RASL10B: variants seen among roughly 807,000 people sequenced by gnomAD.
The protein encoded by RASL10B is RAS like family 10 member B.
In RASL10B, 10 loss-of-function variants were observed where a neutral mutation model predicts 20.7. The ratio of observed to expected loss-of-function variants is 0.48; its 90% CI spans 0.30 to 0.82. RASL10B has a LOEUF of 0.82. Among genes scored for constraint, RASL10B ranks in the 40% least tolerant of loss-of-function variants. The probability of loss-of-function intolerance (pLI) is 0.07; values close to 1 mark genes in which losing one functional copy is unlikely to be tolerated. For missense variants in RASL10B, 231 were observed against 295.4 expected (o/e 0.78, Z 1.60); for synonymous variants, 110 against 123.3 (o/e 0.89, Z 0.72).
chr17:35,740,018 C>T (rs2085619569), intron 2 of RASL10B, among the ~76,000 whole-genome samples: 1 of 152,184 alleles, frequency 6.6e-6, no homozygotes, highest in Non-Finnish European at 1.5e-5. Context: ...GGCACTTTAG[C>T]TGAACCTTGG....
chr17:35,736,555 C>A (rs1267655620), intron 2 of RASL10B, among the ~76,000 whole-genome samples: 1 of 152,202 alleles, frequency 6.6e-6, no homozygotes, highest in Non-Finnish European at 1.5e-5. Context: ...TGAGGCTGAG[C>A]CTGTCAGGGC....
At position 35,735,909 on chromosome 17, in the gene RASL10B, A is replaced by G. The variant is rs2085588824; in HGVS notation, c.216+509A>G. ...ACACTAGGCTACTGTGAGTATTCGG[A>G]GCTGTGCCTACCGTAACCTCACTCC... On this transcript the variant is annotated intron_variant, in intron 2 of 3. Coordinates refer to ENST00000603017, the MANE Select transcript of RASL10B (RefSeq NM_033315.4). The surrounding 1 kb of genome is among the most constrained non-coding windows in gnomAD (Gnocchi z 6.7). Among the ~76,000 whole-genome samples the G allele has an allele frequency of 6.6e-6, 1 of 152,140 alleles. No individual in the cohort carries two copies. Among genetic ancestry groups the G allele is most frequent in the African/African-American group, 2.4e-5 (1 of 41,428 alleles).
rs782776624 is a variant in RASL10B at position 35,740,420 on chromosome 17, C to T, written c.228C>T (p.Asp76=). ...TGGGGATATTGCAGGAGTGGGCAGACACCTGCTGCAGGGGACTCCGGAGTG... is the reference window on the plus strand; with the variant it reads ...TGGGGATATTGCAGGAGTGGGCAGATACCTGCTGCAGGGGACTCCGGAGTG... The part of the protein sequence containing the change: ...FPVNTLQEWA[D]TCCRGLRSVH... The change falls in exon 3 of 4, where the codon GAC becomes GAT. Residue 76 remains aspartate, a synonymous_variant. Transcript: ENST00000603017. The T allele has an allele frequency of 1.2e-5, 20 of 1,613,630 alleles. No individual in the cohort carries two copies. The highest frequency in any genetic ancestry group is 1.6e-5 in the Non-Finnish European group (19 of 1,179,844).
At chr17:35,736,714 C>CTAT (rs2085594941) in intron 2 of RASL10B, 1 of 152,216 alleles carries the variant, frequency 6.6e-6, no homozygotes, top group Non-Finnish European at 1.5e-5. Context: ...GCCCCACTCT[C>CTAT]TATAACCACT....
intron 2 of RASL10B, among the ~76,000 whole-genome samples, chr17:35,739,289 G>A (rs2085613490): frequency 6.6e-6 from 1 of 152,168 alleles, no homozygotes. Context: ...GCTGGGACAG[G>A]AGACATACCT....
rs140356528 is a variant in RASL10B at position 35,734,179 on chromosome 17, G to T, written c.-147-859G>T. Among the ~76,000 whole-genome samples the T allele has an allele frequency of 3.3e-4, 50 of 152,282 alleles. No homozygotes were observed. The East Asian group carries it at 8.3e-3, about 25-fold the overall frequency. ...CAGGTGCCTGTAATCCCAGCTACTCGGGAGGCTGAGGCAGGAAAATGGCTT... is the reference window on the plus strand; with the variant it reads ...CAGGTGCCTGTAATCCCAGCTACTCTGGAGGCTGAGGCAGGAAAATGGCTT... On this transcript the variant is annotated intron_variant, in intron 1 of 3. Coordinates refer to ENST00000603017, the MANE Select transcript of RASL10B (RefSeq NM_033315.4).
At chr17:35,733,159 T>C (rs2085569634) in intron 1 of RASL10B, among the ~76,000 whole-genome samples, 1 of 152,224 alleles carries the variant, frequency 6.6e-6, no homozygotes, top group South Asian at 2.1e-4. Context: ...AGAATCTCTC[T>C]CACGCACACT....
In RASL10B at chr17:35,735,244, C is replaced by T; in HGVS notation, c.60C>T (p.Ile20=). Residue 20 remains isoleucine (I), a synonymous_variant, in exon 2 of 4, where the codon ATC becomes ATT. Coordinates refer to ENST00000603017, the MANE Select transcript of RASL10B (RefSeq NM_033315.4). This position sits in a 1 kb window ranked among gnomAD's most constrained non-coding sequence, Gnocchi z 6.7. ...LGARGVGKSA[I]VRQFLYNEFS... ...CGCGAGGTGTGGGCAAGAGTGCCAT[C>T]GTGCGCCAGTTCTTGTACAACGAGT... 1.2e-6 allele frequency: 2 copies of T among 1,613,530 alleles called. No individual in the cohort carries two copies. Among genetic ancestry groups the T allele is most frequent in the Non-Finnish European group, 8.5e-7 (1 of 1,180,016 alleles).
rs587642131 is a variant in RASL10B, at chr17:35,732,827, C to A, written c.-148+949C>A. On this transcript the variant is annotated intron_variant, in intron 1 of 3. Transcript: ENST00000603017. ...TCTTCCTCCCCTAGGACTCCCCACT[C>A]CCCACCTGCCTGTACTGGTTATGTA... Among the ~76,000 whole-genome samples, 13 of 152,294 alleles carry A rather than the reference C, an allele frequency of 8.5e-5. No homozygotes were observed. The East Asian group carries it at 2.5e-3, about 29-fold the overall frequency.
rs2085633226 is a variant in RASL10B at position 35,742,103 on chromosome 17, T to C, written c.*798T>C. ...CCTGGGTTAAAACTTTTTTTCTTTTTTTTTTTTGGACAGAGTGTGGAAAGG... is the reference window on the plus strand; with the variant it reads ...CCTGGGTTAAAACTTTTTTTCTTTTCTTTTTTTGGACAGAGTGTGGAAAGG... On this transcript the variant is annotated 3_prime_UTR_variant, in exon 4 of 4. Coordinates refer to ENST00000603017, the MANE Select transcript of RASL10B (RefSeq NM_033315.4). 1 of 152,472 alleles carries C rather than the reference T, an allele frequency of 6.6e-6. No homozygotes were observed. The highest frequency in any genetic ancestry group is 1.5e-5 in the Non-Finnish European group (1 of 68,074). 9.4% of individuals were successfully genotyped at this position (152,472 alleles called of 1,614,324 possible). A position where few individuals can be genotyped will look rare whatever the true frequency, so the allele number is the denominator to read the frequency against.
rs587683505 is a variant in RASL10B at position 35,737,981 on chromosome 17, G to A, written c.217-2428G>A. ...CCAGATTGCCCTCCATAGCAGTGGC[G>A]TATGCTGTGCTCCTGTGAGCAATGT... On this transcript the variant is annotated intron_variant, in intron 2 of 3. Transcript: ENST00000603017. Among the ~76,000 whole-genome samples, 295 of 151,872 alleles carry A rather than the reference G, an allele frequency of 1.9e-3. 1 individual carries two copies. The highest frequency in any genetic ancestry group is 6.9e-3 in the African/African-American group (287 of 41,384).
intron 2 of RASL10B, among the ~76,000 whole-genome samples, chr17:35,738,949 C>T (rs1436471324): frequency 6.6e-6 from 1 of 152,198 alleles, no homozygotes; most frequent in Non-Finnish European, 1.5e-5. Flanking sequence ...CATCCGTATA[C>T]ACAGGTTCCA....
intron 1 of RASL10B, among the ~76,000 whole-genome samples, chr17:35,733,508 G>A (rs587643570): frequency 5.9e-5 from 9 of 152,348 alleles, no homozygotes; most frequent in Admixed American, 5.9e-4. Context: ...CAACCTGGGG[G>A]ACATTCAGCT....
intron 2 of RASL10B, 104 bp from the exon 3 acceptor site, chr17:35,740,305 G>A (rs2085621506): frequency 6.9e-7 from 1 of 1,455,814 alleles, no homozygotes; most frequent in Non-Finnish European, 9.3e-7. Context: ...AAGGCTTCAG[G>A]TGCAGTGGCA....
intron 2 of RASL10B, among the ~76,000 whole-genome samples, chr17:35,738,352 C>CTTTT (rs772993948): frequency 1.3e-5 from 2 of 152,040 alleles, no homozygotes; most frequent in Non-Finnish European, 2.9e-5. Context: ...CTCAAGGCAC[C>CTTTT]AAAGATTAAG....
rs2085639016 is a variant in RASL10B, at chr17:35,742,919, G to A, written c.*1614G>A. ...ATTTATCACCAACATCCATTGTAGG[G>A]GGAATCTATGATTCTGCTTCCCCAG... On this transcript the variant is annotated 3_prime_UTR_variant, in exon 4 of 4. Transcript: ENST00000603017. 6.6e-6 allele frequency: 1 copy of A among 152,322 alleles called. No individual in the cohort carries two copies. Among genetic ancestry groups the A allele is most frequent in the African/African-American group, 2.4e-5 (1 of 41,444 alleles). The allele number at this position is 152,322 out of a possible 1,614,324, so 9.4% of individuals were successfully genotyped here.
At position 35,742,652 on chromosome 17, in the gene RASL10B, A is replaced by C. The variant is rs782371258; in HGVS notation, c.*1347A>C. On this transcript the variant is annotated 3_prime_UTR_variant, in exon 4 of 4. Transcript: ENST00000603017. Reference sequence around the variant, plus strand: ...GAATGGCATGAGGGATTGATGGGGGACTTGGAGGGAGGGACAAGTGGTGCC... The same window carrying C: ...GAATGGCATGAGGGATTGATGGGGGCCTTGGAGGGAGGGACAAGTGGTGCC... 3 of 152,632 alleles carry C rather than the reference A, an allele frequency of 2.0e-5. No individual in the cohort carries two copies. The highest frequency in any genetic ancestry group is 4.4e-5 in the Non-Finnish European group (3 of 68,076). 9.5% of individuals were successfully genotyped at this position (152,632 alleles called of 1,614,324 possible).
At chr17:35,732,508 G>A (rs995007666) in intron 1 of RASL10B, among the ~76,000 whole-genome samples, 11 of 152,202 alleles carry the variant, frequency 7.2e-5, no homozygotes, top group African/African-American at 2.7e-4. Context: ...TTAGATCCAG[G>A]ACCTCTGCCT....
At position 35,735,979 on chromosome 17, in the gene RASL10B, G is replaced by A. The variant is rs1555597176; in HGVS notation, c.216+579G>A. On this transcript the variant is annotated intron_variant, in intron 2 of 3. Coordinates refer to ENST00000603017, the MANE Select transcript of RASL10B (RefSeq NM_033315.4). This position sits in a 1 kb window ranked among gnomAD's most constrained non-coding sequence, Gnocchi z 6.7. ...CAGCAGCAGAACAGACGGGGCCCTGGGAAAGGTGTGTTCTTGGAGACTCTG... is the reference window on the plus strand; with the variant it reads ...CAGCAGCAGAACAGACGGGGCCCTGAGAAAGGTGTGTTCTTGGAGACTCTG... Among the ~76,000 whole-genome samples, 1 of 152,202 alleles carries A rather than the reference G, an allele frequency of 6.6e-6. No homozygotes were observed. Among genetic ancestry groups the A allele is most frequent in the African/African-American group, 2.4e-5 (1 of 41,456 alleles).
Sources: allele counts gnomAD v4.1 joint callset (sites outside exome capture counted in the v4.1 genomes callset), GRCh38; gene constraint gnomAD v4.1.1; non-coding constraint Gnocchi (gnomAD v3.1); transcripts MANE v1.5; gene names NCBI Gene and HGNC (gene_info 2026-07-23, HGNC 2026-07-21).